Variants in LRP1B observed in about 807,000 individuals in gnomAD.
The protein encoded by LRP1B is LDL receptor related protein 1B, also known as low-density lipoprotein receptor-related protein 1B.
A neutral mutation model predicts 556.6 loss-of-function variants in LRP1B; 217 were observed. That is an observed-to-expected ratio of 0.39 (90% CI 0.35 to 0.44). The LOEUF is 0.44. Among genes scored for constraint, LRP1B ranks in the 20% least tolerant of loss-of-function variants. The probability of loss-of-function intolerance (pLI) is 1.00; values close to 1 mark genes in which losing one functional copy is unlikely to be tolerated. For missense variants in LRP1B, 5,053 were observed against 5,620.8 expected (o/e 0.90, Z 3.23); for synonymous variants, 2,047 against 1,865.8 (o/e 1.10, Z -2.50).
intron 11 of LRP1B, among the ~76,000 whole-genome samples, chr2:141,021,173 A>G (rs1268055443): frequency 6.6e-6 from 1 of 152,072 alleles, no homozygotes; most frequent in Non-Finnish European, 1.5e-5. Context: ...CTCTGTATTC[A>G]CACACTACAA....
At chr2:141,797,758 A>G (rs1407255727) in intron 2 of LRP1B, among the ~76,000 whole-genome samples, 1 of 152,092 alleles carries the variant, frequency 6.6e-6, no homozygotes, top group African/African-American at 2.4e-5. Flanking sequence ...CATCAAACCA[A>G]CCTATCTTTT....
intron 2 of LRP1B, among the ~76,000 whole-genome samples, chr2:141,796,891 T>C (rs1479196115): frequency 6.6e-6 from 1 of 151,642 alleles, no homozygotes; most frequent in Non-Finnish European, 1.5e-5. Flanking sequence ...CATTCAATTG[T>C]TTCATTGCTG....
intron 1 of LRP1B, among the ~76,000 whole-genome samples, chr2:142,054,734 T>A (rs1325217358): frequency 1.3e-5 from 2 of 152,166 alleles, no homozygotes; most frequent in African/African-American, 4.8e-5. Flanking sequence ...CCTTATTTAA[T>A]ATTTTGAATC....
intron 7 of LRP1B, among the ~76,000 whole-genome samples, chr2:141,170,747 C>T (rs556789674): frequency 1.2e-4 from 18 of 152,152 alleles, no homozygotes; most frequent in African/African-American, 4.3e-4. Context: ...AAAGGTGTTG[C>T]ATTTTCTATT....
At chr2:141,611,302 A>G (rs1238889705) in intron 2 of LRP1B, among the ~76,000 whole-genome samples, 3 of 152,224 alleles carry the variant, frequency 2.0e-5, no homozygotes, top group Non-Finnish European at 4.4e-5. Context: ...GTTATGACAC[A>G]TTACATCATC....
intron 2 of LRP1B, among the ~76,000 whole-genome samples, chr2:141,582,141 T>C (rs1168712862): frequency 6.6e-6 from 1 of 152,212 alleles, no homozygotes; most frequent in Non-Finnish European, 1.5e-5. Flanking sequence ...GGAGTTGTCA[T>C]AATAGGTTTT....
intron 5 of LRP1B, among the ~76,000 whole-genome samples, chr2:141,230,273 C>G (rs1406489297): frequency 2.6e-5 from 4 of 152,192 alleles, no homozygotes; most frequent in African/African-American, 9.7e-5. Flanking sequence ...TCATCTGTAT[C>G]TAATGCATCA....
intron 1 of LRP1B, among the ~76,000 whole-genome samples, chr2:141,964,714 G>A (rs1288623077): frequency 2.6e-5 from 4 of 151,034 alleles, no homozygotes; most frequent in African/African-American, 9.7e-5. Flanking sequence ...AACACCAAAA[G>A]CAATGGCAAC....
At chr2:141,463,590 A>ATATATT (rs1553518124) in intron 3 of LRP1B, among the ~76,000 whole-genome samples, 1 of 28,716 alleles carries the variant, frequency 3.5e-5, no homozygotes, top group Admixed American at 4.0e-4. Context: ...AATTATATAT[A>ATATATT]ATATATATTA....
At chr2:141,448,179 C>T (rs1005449378) in intron 3 of LRP1B, among the ~76,000 whole-genome samples, 1 of 152,168 alleles carries the variant, frequency 6.6e-6, no homozygotes, top group African/African-American at 2.4e-5. Flanking sequence ...GTGGGCTCCA[C>T]CCAGTCTGCA....
chr2:141,609,221 AT>A (rs1202961010), intron 2 of LRP1B, among the ~76,000 whole-genome samples: 1 of 152,216 alleles, frequency 6.6e-6, no homozygotes. Context: ...AGTTACCAAC[AT>A]AATTGGCATG....
At chr2:140,511,290 G>GTTT (rs1178038693) in intron 51 of LRP1B, among the ~76,000 whole-genome samples, 13 of 82,594 alleles carry the variant, frequency 1.6e-4, no homozygotes, top group African/African-American at 4.0e-4. Context: ...TCCTCTAAGG[G>GTTT]TCTTTTTTTT....
In LRP1B at chr2:140,665,661, C is replaced by A. The variant is rs1053179201; in HGVS notation, c.6799+34589G>T. On this transcript the variant is annotated intron_variant, in intron 41 of 90. Coordinates refer to ENST00000389484, the MANE Select transcript of LRP1B (RefSeq NM_018557.3). ...ATTTCAATTTCAAAGCCACATATGG[C>A]CAAACCTGAGAAAACAACTTTACAT... is the stretch of plus-strand genomic sequence containing the variant. Among the ~76,000 whole-genome samples the A allele has an allele frequency of 3.8e-4, 58 of 152,044 alleles. 1 individual carries two copies. The highest frequency in any genetic ancestry group is 4.4e-5 in the Non-Finnish European group (3 of 68,002).
chr2:141,136,013 G>C (rs1269999082), intron 7 of LRP1B, among the ~76,000 whole-genome samples: 1 of 151,890 alleles, frequency 6.6e-6, no homozygotes, highest in African/African-American at 2.4e-5. Context: ...GCAGATAATG[G>C]AGAGTGGACT....
chr2:140,524,962 T>C (rs528395368), intron 49 of LRP1B, among the ~76,000 whole-genome samples: 1 of 152,008 alleles, frequency 6.6e-6, no homozygotes, highest in African/African-American at 2.4e-5. Context: ...TAAACAATTA[T>C]ATACATGATA....
chr2:140,629,827 T>C lies in LRP1B; in HGVS notation c.6800-28188A>G, dbSNP rs41532648. Among the ~76,000 whole-genome samples the C allele has an allele frequency of 9.5e-3, 1,444 of 152,322 alleles. 26 individuals carry two copies. The highest frequency in any genetic ancestry group is 0.033 in the African/African-American group (1,355 of 41,548). ...TTCCTAGAGATCTGGATTTTGATTT[T>C]GCAATTTAATATTTTTACATGACAA... On this transcript the variant is annotated intron_variant, in intron 41 of 90. Transcript: ENST00000389484.
At chr2:140,284,806 T>C (rs1209785930) in intron 84 of LRP1B, among the ~76,000 whole-genome samples, 1 of 151,364 alleles carries the variant, frequency 6.6e-6, no homozygotes, top group South Asian at 2.1e-4. Context: ...ATGATAAAGA[T>C]AGATGTATAT....
intron 1 of LRP1B, among the ~76,000 whole-genome samples, chr2:141,917,770 T>G (rs1205766965): frequency 6.6e-5 from 10 of 152,218 alleles, no homozygotes; most frequent in Admixed American, 2.6e-4. Context: ...GTAATTTACT[T>G]GCTTAACCCT....
intron 2 of LRP1B, among the ~76,000 whole-genome samples, chr2:141,543,892 G>A (rs1685362550): frequency 6.6e-6 from 1 of 152,086 alleles, no homozygotes; most frequent in Admixed American, 6.6e-5. Flanking sequence ...GGGTAATGAG[G>A]CAAAATACAC....
Sources: allele counts gnomAD v4.1 joint callset (sites outside exome capture counted in the v4.1 genomes callset), GRCh38; gene constraint gnomAD v4.1.1; transcripts MANE v1.5; gene names NCBI Gene and HGNC (gene_info 2026-07-23, HGNC 2026-07-21).